The following HNRNPM variants were observed in gnomAD, a reference collection of about 807,000 sequenced individuals.
HNRNPM encodes the protein heterogeneous nuclear ribonucleoprotein M, also known as CEA receptor.
HNRNPM carries 11 observed loss-of-function variants against 73.1 expected under a neutral mutation model. The observed-to-expected ratio is 0.15, with a 90% CI of 0.09 to 0.25. HNRNPM has a LOEUF of 0.25. Ranked by LOEUF, HNRNPM falls within the 10% of genes least tolerant of loss-of-function variation. The pLI, the probability that HNRNPM is intolerant of heterozygous loss-of-function variation, is 1.00. For missense variants in HNRNPM, 789 were observed against 1,067.9 expected (o/e 0.74, Z 3.64); for synonymous variants, 407 against 355.2 (o/e 1.15, Z -1.64).
chr19:8,486,437 G>A (rs768959907), intron 14 of HNRNPM, 32 bp downstream of exon 14: 9 of 1,526,438 alleles, frequency 5.9e-6, no homozygotes, highest in Non-Finnish European at 7.9e-6. Context: ...TCTTGGTGGT[G>A]GTGAGCATGA....
At position 8,468,842 on chromosome 19, in the gene HNRNPM, T is replaced by A; in HGVS notation, c.895+8T>A. ...GTCCACAACAACTTCCCCGTAAGTGTTTCAGTGATTAGGGCTGAGAGTTTG... is the reference window on the plus strand; with the variant it reads ...GTCCACAACAACTTCCCCGTAAGTGATTCAGTGATTAGGGCTGAGAGTTTG... On this transcript the variant is annotated splice_region_variant and intron_variant, in intron 9 of 15. Coordinates refer to ENST00000325495, the MANE Select transcript of HNRNPM (RefSeq NM_005968.5). The A allele has an allele frequency of 6.2e-7, 1 of 1,607,956 alleles. No homozygotes were observed. Among genetic ancestry groups the A allele is most frequent in the Non-Finnish European group, 8.5e-7 (1 of 1,174,380 alleles).
intron 15 of HNRNPM, 124 bp downstream of exon 15, chr19:8,487,199 C>A: frequency 1.2e-6 from 1 of 802,502 alleles, no homozygotes. Flanking sequence ...TTGCCATGTT[C>A]TGCCCACGCC....
chr19:8,476,226 A>T (rs1232726712), intron 12 of HNRNPM, among the ~76,000 whole-genome samples: 1 of 152,198 alleles, frequency 6.6e-6, no homozygotes, highest in Non-Finnish European at 1.5e-5. Flanking sequence ...CACCCTCTAC[A>T]GCTGAGAACA....
intron 13 of HNRNPM, among the ~76,000 whole-genome samples, chr19:8,485,027 G>A (rs1043021307): frequency 1.3e-5 from 2 of 151,956 alleles, no homozygotes; most frequent in African/African-American, 4.8e-5. Context: ...AGGATCTCTC[G>A]GTGTGTGTTT....
intron 8 of HNRNPM, among the ~76,000 whole-genome samples, chr19:8,468,085 A>G (rs956988185): frequency 1.3e-5 from 2 of 152,208 alleles, no homozygotes. Flanking sequence ...ACTGCATTAG[A>G]TATTTTTCCT....
At position 8,488,777 on chromosome 19, in the gene HNRNPM, G is replaced by A. The variant is rs960112888; in HGVS notation, c.2116G>A (p.Glu706Lys). Residue 706 changes from glutamate to lysine, a missense_variant, in exon 16 of 16, where the codon GAG becomes AAG. Glu to Lys is a moderately conservative substitution (Grantham distance 56). Coordinates refer to ENST00000325495, the MANE Select transcript of HNRNPM (RefSeq NM_005968.5). ...VVKFESPEVA[E>K]RACRMMNGMK... is the part of the protein sequence containing the mutation. ...TAAGTTCGAGTCGCCAGAGGTGGCC[G>A]AGAGAGCCTGCCGGATGATGAATGG... The A allele has an allele frequency of 9.9e-6, 16 of 1,613,386 alleles. No individual in the cohort carries two copies. The highest frequency in any genetic ancestry group is 1.6e-4 in the Middle Eastern group (1 of 6,084).
intron 1 of HNRNPM, among the ~76,000 whole-genome samples, chr19:8,448,456 G>C (rs1968369482): frequency 6.7e-6 from 1 of 149,024 alleles, no homozygotes; most frequent in African/African-American, 2.4e-5. Context: ...GACTTAACCT[G>C]CTCCCCTTCC....
intron 12 of HNRNPM, among the ~76,000 whole-genome samples, chr19:8,477,692 A>G (rs1970614125): frequency 7.3e-6 from 1 of 137,120 alleles, no homozygotes; most frequent in African/African-American, 2.8e-5. Context: ...AAAAAAAAAA[A>G]AGAACCTTAC....
chr19:8,448,930 T>G lies in HNRNPM; in HGVS notation c.113+3819T>G, dbSNP rs79324212. Among the ~76,000 whole-genome samples the G allele has an allele frequency of 7.9e-5, 12 of 152,284 alleles. No homozygotes were observed. The East Asian group carries it at 2.3e-3, about 29-fold the overall frequency. On this transcript the variant is annotated intron_variant, in intron 1 of 15. Coordinates refer to ENST00000325495, the MANE Select transcript of HNRNPM (RefSeq NM_005968.5). ...CAAGAAAACTTTCGTTTTAAACACT[T>G]AAACCCAGGTTCAGGAACCTGACCT...
At chr19:8,470,878 G>A (rs576690443) in intron 9 of HNRNPM, among the ~76,000 whole-genome samples, 1 of 152,312 alleles carries the variant, frequency 6.6e-6, no homozygotes, top group South Asian at 2.1e-4. Context: ...AAACCACCCA[G>A]ATTCAGAGAG....
chr19:8,465,422 C>A lies in HNRNPM; in HGVS notation c.537C>A (p.Ile179=). 1 of 1,613,530 alleles carries A rather than the reference C, an allele frequency of 6.2e-7. No homozygotes were observed. The highest frequency in any genetic ancestry group is 1.1e-5 in the South Asian group (1 of 91,068). ...CAGGTGGCCCAGGAATGATTACTAT[C>A]CCACCCAGTATCCTAAATAATCCCA... ...MGPGGPGMIT[I]PPSILNNPNI... The change falls in exon 6 of 16, where the codon ATC becomes ATA. Residue 179 remains isoleucine (I), a synonymous_variant. Transcript: ENST00000325495.
chr19:8,450,729 T>TTA (rs1555697592), intron 1 of HNRNPM, among the ~76,000 whole-genome samples: 1 of 125,064 alleles, frequency 8.0e-6, no homozygotes, highest in East Asian at 2.4e-4. Flanking sequence ...TTATTATTAT[T>TTA]TTTTTTTTTT....
chr19:8,454,214 T>C (rs1258702363), intron 1 of HNRNPM, among the ~76,000 whole-genome samples: 1 of 152,204 alleles, frequency 6.6e-6, no homozygotes, highest in Non-Finnish European at 1.5e-5. Context: ...AATTCTATGC[T>C]CAGTATTTAA....
intron 2 of HNRNPM, among the ~76,000 whole-genome samples, 171 bp downstream of exon 2, chr19:8,455,745 G>GTT (rs34467960): frequency 1.4e-3 from 202 of 144,148 alleles, no homozygotes; most frequent in East Asian, 9.6e-3. Flanking sequence ...TTTGTTTTGT[G>GTT]TTTTTTTTTT....
intron 12 of HNRNPM, among the ~76,000 whole-genome samples, chr19:8,480,711 C>T (rs1208350572): frequency 6.6e-6 from 1 of 151,522 alleles, no homozygotes; most frequent in African/African-American, 2.4e-5. Context: ...GGAACTTTTT[C>T]TTGCTAAGAG....
At chr19:8,456,857 C>G (rs1487690986) in intron 2 of HNRNPM, among the ~76,000 whole-genome samples, 1 of 152,168 alleles carries the variant, frequency 6.6e-6, no homozygotes, top group African/African-American at 2.4e-5. Flanking sequence ...CCAAATCATT[C>G]CTGCCAATGC....
intron 1 of HNRNPM, among the ~76,000 whole-genome samples, chr19:8,451,890 A>G (rs567372531): frequency 2.6e-5 from 4 of 152,266 alleles, no homozygotes; most frequent in Non-Finnish European, 4.4e-5. Context: ...CAAGTCTGTC[A>G]AGAATTAGTT....
At chr19:8,447,503 G>C (rs114451087) in intron 1 of HNRNPM, among the ~76,000 whole-genome samples, 2 of 152,152 alleles carry the variant, frequency 1.3e-5, no homozygotes, top group Admixed American at 6.6e-5. Context: ...ACAGGAAGAC[G>C]TGTGGAAGTG....
chr19:8,475,247 T>G (rs1970419844), intron 12 of HNRNPM, among the ~76,000 whole-genome samples: 1 of 150,986 alleles, frequency 6.6e-6, no homozygotes, highest in African/African-American at 2.4e-5. Flanking sequence ...AATCCTGCCT[T>G]TTAGAAGTGC....
Sources: allele counts gnomAD v4.1 joint callset (sites outside exome capture counted in the v4.1 genomes callset), GRCh38; gene constraint gnomAD v4.1.1; transcripts MANE v1.5; gene names NCBI Gene and HGNC (gene_info 2026-07-23, HGNC 2026-07-21).